KIF16B: variants seen among roughly 807,000 people sequenced by gnomAD.
KIF16B encodes the protein kinesin-like protein KIF16B.
Under a neutral mutation model 156.3 loss-of-function variants are expected in KIF16B, and 98 were observed. The ratio of observed to expected loss-of-function variants is 0.63; its 90% CI spans 0.53 to 0.74. KIF16B has a LOEUF of 0.74. Ranked by LOEUF, KIF16B falls within the 30% of genes least tolerant of loss-of-function variation. The pLI, the probability that KIF16B is intolerant of heterozygous loss-of-function variation, is 0.00. For missense variants in KIF16B, 1,421 were observed against 1,606.5 expected (o/e 0.88, Z 1.97); for synonymous variants, 564 against 583.7 (o/e 0.97, Z 0.49).
intron 3 of KIF16B, among the ~76,000 whole-genome samples, chr20:16,519,009 T>C (rs2069237973): frequency 6.6e-6 from 1 of 152,224 alleles, no homozygotes; most frequent in South Asian, 2.1e-4. Flanking sequence ...GGTCCAATTC[T>C]GCTACTATTA....
chr20:16,478,908 G>T (rs1043662720), intron 12 of KIF16B, among the ~76,000 whole-genome samples: 1 of 152,128 alleles, frequency 6.6e-6, no homozygotes, highest in Non-Finnish European at 1.5e-5. Flanking sequence ...GATAAGGGGG[G>T]ACTATTGTAC....
intron 19 of KIF16B, among the ~76,000 whole-genome samples, chr20:16,376,994 C>T (rs144318593): frequency 1.8e-4 from 28 of 152,280 alleles, no homozygotes; most frequent in South Asian, 2.1e-4. Context: ...TACCAGACAG[C>T]GATGGTAAAT....
chr20:16,562,017 T>C (rs1468234801), intron 1 of KIF16B, among the ~76,000 whole-genome samples: 1 of 152,210 alleles, frequency 6.6e-6, no homozygotes, highest in Non-Finnish European at 1.5e-5. Flanking sequence ...AGATAAAATT[T>C]AGTTAATTTC....
intron 24 of KIF16B, among the ~76,000 whole-genome samples, chr20:16,334,479 T>C (rs1425218565): frequency 6.6e-6 from 1 of 152,166 alleles, no homozygotes; most frequent in Non-Finnish European, 1.5e-5. Flanking sequence ...CCACTTGAAG[T>C]TTCCTAAATT....
At chr20:16,572,186 C>T (rs2071481147) in intron 1 of KIF16B, among the ~76,000 whole-genome samples, 1 of 152,096 alleles carries the variant, frequency 6.6e-6, no homozygotes, top group Non-Finnish European at 1.5e-5. Flanking sequence ...TTAATGATTA[C>T]AAACCAAAAT....
chr20:16,386,964 A>G (rs2065244317), intron 17 of KIF16B, among the ~76,000 whole-genome samples: 1 of 152,154 alleles, frequency 6.6e-6, no homozygotes, highest in Non-Finnish European at 1.5e-5. Flanking sequence ...TAGTACAGGT[A>G]GGGGCAGTTA....
chr20:16,417,709 AG>A (rs1048550197), intron 15 of KIF16B, among the ~76,000 whole-genome samples: 14 of 152,304 alleles, frequency 9.2e-5, no homozygotes, highest in African/African-American at 3.4e-4. Context: ...CAATATTACA[AG>A]TGAAAAACAA....
In KIF16B at chr20:16,291,964, T is replaced by C. The variant is rs543495904; in HGVS notation, c.3796-18553A>G. Reference sequence around the variant, plus strand: ...CAAGCCCCGGGGTCTACTGGGGCTGTGTTTCCAGCTAGCTAAAGAAAAATC... The same window carrying C: ...CAAGCCCCGGGGTCTACTGGGGCTGCGTTTCCAGCTAGCTAAAGAAAAATC... On this transcript the variant is annotated intron_variant, in intron 25 of 25. Coordinates refer to ENST00000354981, the MANE Select transcript of KIF16B (RefSeq NM_024704.5). Among the ~76,000 whole-genome samples the C allele has an allele frequency of 3.9e-5, 6 of 152,352 alleles. No homozygotes were observed. In the East Asian group the frequency reaches 1.2e-3, roughly 29 times the overall value.
intron 22 of KIF16B, chr20:16,368,452 C>A: frequency 1.0e-6 from 1 of 986,408 alleles, no homozygotes; most frequent in African/African-American, 1.7e-5. Context: ...TGGCAGGCTT[C>A]TGACGAATGT....
chr20:16,455,748 C>CA (rs2067196004), intron 12 of KIF16B, among the ~76,000 whole-genome samples: 1 of 152,188 alleles, frequency 6.6e-6, no homozygotes, highest in Admixed American at 6.5e-5. Flanking sequence ...GAACAGGCTA[C>CA]AAACTGCCTG....
At chr20:16,515,073 T>C (rs2069101042) in intron 4 of KIF16B, among the ~76,000 whole-genome samples, 2 of 151,982 alleles carry the variant, frequency 1.3e-5, no homozygotes, top group Admixed American at 1.3e-4. Context: ...TTTATAAATA[T>C]GTAAATTATA....
intron 1 of KIF16B, among the ~76,000 whole-genome samples, chr20:16,547,907 C>T (rs1192875891): frequency 6.6e-6 from 1 of 152,166 alleles, no homozygotes; most frequent in Non-Finnish European, 1.5e-5. Flanking sequence ...CAGGAATCTC[C>T]TGGGGCTTTA....
chr20:16,444,009 A>G (rs1600411828), intron 12 of KIF16B, among the ~76,000 whole-genome samples: 1 of 152,238 alleles, frequency 6.6e-6, no homozygotes, highest in Admixed American at 6.5e-5. Flanking sequence ...ACACACATCA[A>G]TTAGGTTTGC....
At chr20:16,300,388 T>C (rs567383906) in intron 25 of KIF16B, among the ~76,000 whole-genome samples, 1 of 152,340 alleles carries the variant, frequency 6.6e-6, no homozygotes, top group East Asian at 1.9e-4. Context: ...ATGTGTTCCT[T>C]TTAATAACAA....
At chr20:16,539,484 G>A (rs185025304) in intron 1 of KIF16B, among the ~76,000 whole-genome samples, 1 of 152,280 alleles carries the variant, frequency 6.6e-6, no homozygotes, top group Admixed American at 6.5e-5. Context: ...CTAGGGATCT[G>A]GCAGAGAAAA....
intron 10 of KIF16B, among the ~76,000 whole-genome samples, chr20:16,501,435 T>C (rs1311234297): frequency 6.6e-6 from 1 of 151,684 alleles, no homozygotes; most frequent in Non-Finnish European, 1.5e-5. Flanking sequence ...TTTTAGAAAA[T>C]TGCTTGGCAA....
intron 24 of KIF16B, among the ~76,000 whole-genome samples, chr20:16,332,661 G>A (rs377405951): frequency 3.3e-5 from 5 of 152,284 alleles, no homozygotes; most frequent in Middle Eastern, 3.4e-3. Flanking sequence ...AGAGGCTTCT[G>A]CGAGCAGAAG....
intron 12 of KIF16B, among the ~76,000 whole-genome samples, chr20:16,439,815 A>G (rs6105601): frequency 0.038 from 5,731 of 152,186 alleles, 378 homozygotes; most frequent in African/African-American, 0.13. Context: ...TCACAATACC[A>G]TCAGATCTCT....
chr20:16,424,332 G>T (rs2066301379), intron 15 of KIF16B, among the ~76,000 whole-genome samples: 1 of 152,094 alleles, frequency 6.6e-6, no homozygotes, highest in East Asian at 1.9e-4. Context: ...TGATGTTAGA[G>T]CGTCTTTGAC....
Sources: gnomAD v4.1 joint callset for allele counts (sites outside exome capture counted in the v4.1 genomes callset) on GRCh38, gnomAD v4.1.1 for gene constraint, MANE v1.5 for transcripts, NCBI Gene and HGNC (gene_info 2026-07-23, HGNC 2026-07-21) for gene names.